The following BTD variants were observed in gnomAD, a reference collection of about 807,000 sequenced individuals.
BTD encodes the protein biotinidase.
BTD carries 13 observed loss-of-function variants against 17.7 expected under a neutral mutation model. The ratio of observed to expected loss-of-function variants is 0.74; its 90% CI spans 0.48 to 1.17. BTD has a LOEUF of 1.17. Ranked by LOEUF, BTD falls within the 50% of genes most tolerant of loss-of-function variation. BTD has a pLI of 0.00. For missense variants in BTD, 674 were observed against 650.4 expected, an observed-to-expected ratio of 1.04 and a Z score of -0.39; for synonymous variants, 240 against 245.2, an observed-to-expected ratio of 0.98 and a Z score of 0.20.
At chr3:15,693,579 A>G (rs1418399267) in intron 3 of BTD, among the ~76,000 whole-genome samples, 2 of 152,142 alleles carry the variant, frequency 1.3e-5, no homozygotes, top group African/African-American at 2.4e-5. Flanking sequence ...TGCTCAAGAA[A>G]TGACAGTGAA....
intron 3 of BTD, chr3:15,690,335 A>C: frequency 1.2e-6 from 1 of 842,084 alleles, no homozygotes; most frequent in South Asian, 2.0e-5. Context: ...TACTTGAGAT[A>C]ATCCAAACTT....
intron 3 of BTD, among the ~76,000 whole-genome samples, chr3:15,686,946 C>CTTT (rs368116430): frequency 1.4e-5 from 2 of 141,034 alleles, no homozygotes; most frequent in African/African-American, 2.6e-5. Context: ...CCTGATATTG[C>CTTT]TTTTTTTTTT....
rs140774697 is a variant in BTD, at chr3:15,720,272, T to A, written c.1016-1498T>A. On this transcript the variant is annotated intron_variant, in intron 4 of 4. Transcript: ENST00000672427. ...TATGTGCAACACACTGACAGTTTTT[T>A]TTCCCTAACACTGTAAAATTTGAAA... Among the ~76,000 whole-genome samples the A allele has an allele frequency of 5.8e-3, 878 of 152,322 alleles. 10 individuals are homozygous for A. Among genetic ancestry groups the A allele is most frequent in the South Asian group, 0.047 (225 of 4,824 alleles).
intron 1 of BTD, among the ~76,000 whole-genome samples, chr3:15,633,711 G>A (rs2065273080): frequency 6.6e-6 from 1 of 152,160 alleles, no homozygotes; most frequent in Non-Finnish European, 1.5e-5. Flanking sequence ...TCTTAGTGAG[G>A]CCTTTGCGTT....
intron 3 of BTD, chr3:15,667,632 C>T (rs2066049718): frequency 6.6e-6 from 1 of 152,186 alleles, no homozygotes; most frequent in African/African-American, 2.4e-5. Context: ...ACAATACTGG[C>T]GTAGTTCAAA....
At chr3:15,705,006 TA>T (rs2071163299) in intron 3 of BTD, among the ~76,000 whole-genome samples, 1 of 152,284 alleles carries the variant, frequency 6.6e-6, no homozygotes, top group East Asian at 1.9e-4. Context: ...CTTTTACAAA[TA>T]AAGAATATTT....
chr3:15,671,285 T>G (rs1053524479), intron 3 of BTD, among the ~76,000 whole-genome samples: 3 of 152,152 alleles, frequency 2.0e-5, no homozygotes, highest in Non-Finnish European at 2.9e-5. Flanking sequence ...GAGGAAACAT[T>G]TGGTACCTCA....
chr3:15,687,076 G>C (rs1012703643), intron 3 of BTD, among the ~76,000 whole-genome samples: 5 of 151,806 alleles, frequency 3.3e-5, no homozygotes, highest in African/African-American at 1.2e-4. Context: ...CCAAGTAGCT[G>C]GGATTACAGG....
chr3:15,637,303 C>T (rs73817037), intron 2 of BTD, among the ~76,000 whole-genome samples: 5,540 of 152,154 alleles, frequency 0.036, 281 homozygotes, highest in African/African-American at 0.11. Context: ...GAACTCTCAC[C>T]TGTCGCATTC....
intron 3 of BTD, among the ~76,000 whole-genome samples, chr3:15,698,088 T>C (rs1478698232): frequency 6.6e-6 from 1 of 152,134 alleles, no homozygotes; most frequent in Non-Finnish European, 1.5e-5. Flanking sequence ...ATTCCCTTTA[T>C]GTGTCTATTT....
rs538781296 is a variant in BTD, at chr3:15,609,845, G to T, written c.-17+7951G>T. On this transcript the variant is annotated intron_variant, in intron 1 of 3. Transcript: ENST00000643237. ...AATAGTGATTTTAGAGGTATAAAGG[G>T]TTTTTTTATAGTCACATTTGACAAC... is the stretch of plus-strand genomic sequence containing the variant. 1.6e-4 allele frequency among the ~76,000 whole-genome samples: 24 copies of T among 150,536 alleles called. No individual in the cohort carries two copies. In the East Asian group the frequency reaches 4.7e-3, roughly 29 times the overall value.
Position 15,645,362 on chromosome 3 carries a change from A to G in BTD, c.1446A>G (p.Ser482=), listed in dbSNP as rs1323842252. 6 of 1,614,186 alleles carry G rather than the reference A, an allele frequency of 3.7e-6. No individual in the cohort carries two copies. The highest frequency in any genetic ancestry group is 2.7e-5 in the African/African-American group (2 of 75,052). The change falls in exon 4 of 4, where the codon TCA becomes TCG. Residue 482 remains serine (S), a synonymous_variant. Transcript: ENST00000643237. ...TSYIFPLFLT[S]GMTLEVPDQL... is the part of the protein sequence containing the mutation. ...ATATCTTTCCTTTGTTTCTGACCTCAGGGATGACCCTAGAAGTCCCTGACC... is the reference window on the plus strand; with the variant it reads ...ATATCTTTCCTTTGTTTCTGACCTCGGGGATGACCCTAGAAGTCCCTGACC...
intron 2 of BTD, among the ~76,000 whole-genome samples, chr3:15,636,693 G>A (rs990840767): frequency 5.3e-5 from 8 of 149,988 alleles, no homozygotes; most frequent in African/African-American, 1.2e-4. Flanking sequence ...GGGTGGTCGG[G>A]ATGGCCTGGA....
At chr3:15,664,426 A>G (rs1440027481) in intron 3 of BTD, among the ~76,000 whole-genome samples, 3 of 152,246 alleles carry the variant, frequency 2.0e-5, no homozygotes, top group Non-Finnish European at 4.4e-5. Flanking sequence ...CAGGGCTTCT[A>G]CAGCTGAACA....
rs1446967648 is a variant in BTD at position 15,615,979 on chromosome 3, G to A, written c.-17+14085G>A. 2.0e-5 allele frequency among the ~76,000 whole-genome samples: 3 copies of A among 152,062 alleles called. No individual in the cohort carries two copies. The South Asian group carries it at 6.2e-4, about 32-fold the overall frequency. On this transcript the variant is annotated intron_variant, in intron 1 of 3. Coordinates refer to ENST00000643237, the MANE Select transcript of BTD (RefSeq NM_001370658.1). Reference sequence around the variant, plus strand: ...CTCCATATCTTTTCATGGCTTGATAGCTCATTTCTTTTTAGCACTGAATAA... The same window carrying A: ...CTCCATATCTTTTCATGGCTTGATAACTCATTTCTTTTTAGCACTGAATAA...
chr3:15,666,935 C>A (rs2066008192), intron 3 of BTD, among the ~76,000 whole-genome samples: 1 of 152,210 alleles, frequency 6.6e-6, no homozygotes, highest in Admixed American at 6.5e-5. Context: ...ATCTCTACCT[C>A]AATTACACTT....
At chr3:15,691,562 G>T (rs183700127) in intron 3 of BTD, among the ~76,000 whole-genome samples, 85 of 152,294 alleles carry the variant, frequency 5.6e-4, no homozygotes, top group African/African-American at 1.9e-3. Context: ...AAACTTCAAA[G>T]GACTATAATG....
At chr3:15,674,150 C>T (rs1042766412) in intron 3 of BTD, among the ~76,000 whole-genome samples, 4 of 105,124 alleles carry the variant, frequency 3.8e-5, no homozygotes, top group Admixed American at 3.1e-4. Flanking sequence ...CTAGTCTGGG[C>T]AACAGAGTGA....
downstream of BTD, among the ~76,000 whole-genome samples, chr3:15,717,041 G>T (rs948119072): frequency 6.6e-6 from 1 of 152,180 alleles, no homozygotes; most frequent in Non-Finnish European, 1.5e-5. Flanking sequence ...CTATCAGATT[G>T]ATACCATTAA....
Sources: gnomAD v4.1 joint callset for allele counts (sites outside exome capture counted in the v4.1 genomes callset) on GRCh38, gnomAD v4.1.1 for gene constraint, MANE v1.5 for transcripts, NCBI Gene and HGNC (gene_info 2026-07-23, HGNC 2026-07-21) for gene names.